SLC38A8: variants seen among roughly 807,000 people sequenced by gnomAD.
The protein encoded by SLC38A8 is amino acid transporter SLC38A8.
In SLC38A8, 65 loss-of-function variants were observed where a neutral mutation model predicts 46.0. The ratio of observed to expected loss-of-function variants is 1.41; its 90% confidence interval spans 1.16 to 1.74. SLC38A8 has a LOEUF of 1.74. Among genes scored for constraint, SLC38A8 ranks in the 40% most tolerant of loss-of-function variants. The pLI is 0.00. For missense variants in SLC38A8, 998 were observed against 567.9 expected, an observed-to-expected ratio of 1.76 and a Z score of -7.70; for synonymous variants, 447 against 243.7, an observed-to-expected ratio of 1.83 and a Z score of -7.77.
chr16:84,025,047 T>G (rs1304743682), intron 6 of SLC38A8, among the ~76,000 whole-genome samples: 4 of 152,148 alleles, frequency 2.6e-5, no homozygotes, highest in African/African-American at 9.7e-5. Flanking sequence ...GTGAATTCAT[T>G]TCCCTGGGTG....
chr16:84,023,148 A>AT (rs2151118377), intron 6 of SLC38A8, among the ~76,000 whole-genome samples: 1 of 151,898 alleles, frequency 6.6e-6, no homozygotes, highest in African/African-American at 2.4e-5. Context: ...TCCTTTCCTT[A>AT]TTTTTTAAAA....
chr16:84,011,979 G>C (rs1425791325), intron 10 of SLC38A8, among the ~76,000 whole-genome samples: 1 of 152,198 alleles, frequency 6.6e-6, no homozygotes, highest in African/African-American at 2.4e-5. Context: ...GAGTGATGTA[G>C]CCACAGGCCA....
intron 9 of SLC38A8, among the ~76,000 whole-genome samples, chr16:84,015,676 C>G (rs2085016888): frequency 6.6e-6 from 1 of 152,090 alleles, no homozygotes. Context: ...TGCTCTCATG[C>G]TGCTAATAAA....
At chr16:84,025,369 G>A (rs1409692884) in intron 6 of SLC38A8, among the ~76,000 whole-genome samples, 3 of 152,148 alleles carry the variant, frequency 2.0e-5, no homozygotes, top group Non-Finnish European at 4.4e-5. Context: ...GGTCCCTCTG[G>A]CCGGATTTTC....
chr16:84,010,837 T>C (rs1021331993), intron 10 of SLC38A8, among the ~76,000 whole-genome samples: 48 of 151,866 alleles, frequency 3.2e-4, no homozygotes, highest in African/African-American at 1.2e-3. Flanking sequence ...TGAAATCCCA[T>C]GAAAATGAAG....
chr16:84,024,054 G>C (rs1051984096), intron 6 of SLC38A8, among the ~76,000 whole-genome samples: 8 of 152,230 alleles, frequency 5.3e-5, no homozygotes, highest in African/African-American at 1.9e-4. Context: ...TGGGGTGGGG[G>C]TGTTGTGCAG....
At chr16:84,029,123 G>A (rs1480602962) in intron 6 of SLC38A8, among the ~76,000 whole-genome samples, 2 of 152,188 alleles carry the variant, frequency 1.3e-5, no homozygotes, top group Non-Finnish European at 2.9e-5. Flanking sequence ...CCAGAGTTAG[G>A]TGGGCAGCTT....
chr16:84,017,368 T>G, intron 7 of SLC38A8, 81 bp from the exon 8 acceptor site: 1 of 1,519,294 alleles, frequency 6.6e-7, no homozygotes, highest in Non-Finnish European at 8.9e-7. Context: ...AGACAGCGCC[T>G]GGCTTTACCA....
At chr16:84,034,292 T>G (rs916212610) in intron 3 of SLC38A8, among the ~76,000 whole-genome samples, 7 of 152,208 alleles carry the variant, frequency 4.6e-5, no homozygotes, top group Non-Finnish European at 1.5e-5. Flanking sequence ...GACAAAGCCA[T>G]CCAGGCACAC....
At chr16:84,020,300 T>A (rs1278656716) in intron 7 of SLC38A8, among the ~76,000 whole-genome samples, 2 of 152,106 alleles carry the variant, frequency 1.3e-5, no homozygotes, top group African/African-American at 4.8e-5. Flanking sequence ...CACACCACTA[T>A]GTTCTGCTCA....
chr16:84,036,681 G>C (rs183227417), intron 3 of SLC38A8, 21 bp downstream of exon 3: 1 of 1,613,540 alleles, frequency 6.2e-7, no homozygotes, highest in African/African-American at 1.3e-5. Flanking sequence ...GGGCCACCCC[G>C]AGTCCCATGA....
At chr16:84,035,677 C>G (rs893450737) in intron 3 of SLC38A8, among the ~76,000 whole-genome samples, 8 of 152,178 alleles carry the variant, frequency 5.3e-5, no homozygotes, top group African/African-American at 1.9e-4. Flanking sequence ...TATACAAACA[C>G]TAGTCTTAAG....
intron 9 of SLC38A8, among the ~76,000 whole-genome samples, chr16:84,015,042 A>G (rs1462098657): frequency 2.0e-5 from 3 of 152,200 alleles, no homozygotes; most frequent in African/African-American, 7.2e-5. Context: ...TCTGTTTGAC[A>G]TAACGGCTGC....
At chr16:84,018,140 G>A (rs1331546093) in intron 7 of SLC38A8, among the ~76,000 whole-genome samples, 1 of 151,968 alleles carries the variant, frequency 6.6e-6, no homozygotes, top group Non-Finnish European at 1.5e-5. Flanking sequence ...CACTGGTGAG[G>A]GCCTTCTTGC....
rs751579357 is a variant in SLC38A8 at position 84,017,128 on chromosome 16, G to A, written c.953+12C>T. On this transcript the variant is annotated intron_variant, in intron 8 of 10. Coordinates refer to ENST00000299709, the MANE Select transcript of SLC38A8 (RefSeq NM_001080442.3). ...CATGCTTCACGGTGCCCCCCACTGAGCCAGGCCTCACCTCCCCAGGAAGAG... is the reference window on the plus strand; with the variant it reads ...CATGCTTCACGGTGCCCCCCACTGAACCAGGCCTCACCTCCCCAGGAAGAG... 9 of 1,613,834 alleles carry A rather than the reference G, an allele frequency of 5.6e-6. No homozygotes were observed. In the East Asian group the frequency reaches 1.8e-4, roughly 32 times the overall value.
intron 5 of SLC38A8, 147 bp downstream of exon 5, chr16:84,031,720 C>T (rs2085240523): frequency 2.9e-6 from 2 of 688,620 alleles, no homozygotes; most frequent in South Asian, 1.8e-5. Context: ...CCCTTGCCTT[C>T]ACCGCATCAG....
At chr16:84,035,838 T>C (rs993602866) in intron 3 of SLC38A8, among the ~76,000 whole-genome samples, 1 of 152,244 alleles carries the variant, frequency 6.6e-6, no homozygotes, top group Non-Finnish European at 1.5e-5. Flanking sequence ...CAGCTGGCGA[T>C]TTTAACATCC....
At chr16:84,026,287 T>C (rs76599304) in intron 6 of SLC38A8, among the ~76,000 whole-genome samples, 1 of 152,176 alleles carries the variant, frequency 6.6e-6, no homozygotes, top group African/African-American at 2.4e-5. Flanking sequence ...TGGAGTACAG[T>C]TGCATGATCT....
chr16:84,031,804 C>G (rs2085241982), intron 5 of SLC38A8, 63 bp downstream of exon 5: 2 of 1,419,308 alleles, frequency 1.4e-6, no homozygotes, highest in Admixed American at 1.7e-5. Flanking sequence ...CAAGACTCCC[C>G]TCACAGACTC....
Sources: allele counts gnomAD v4.1 joint callset (sites outside exome capture counted in the v4.1 genomes callset), GRCh38; gene constraint gnomAD v4.1.1; transcripts MANE v1.5; gene names NCBI Gene and HGNC (gene_info 2026-07-23, HGNC 2026-07-21).